The following BAZ1A variants were observed in gnomAD, a reference collection of about 807,000 sequenced individuals.
BAZ1A encodes the protein bromodomain adjacent to zinc finger domain protein 1A.
A neutral mutation model predicts 185.2 loss-of-function variants in BAZ1A; 50 were observed. The observed-to-expected ratio is 0.27, with a 90% CI of 0.22 to 0.34. The LOEUF is 0.34. BAZ1A is among the 10% of genes least tolerant of loss of function. The pLI is 1.00. For missense variants in BAZ1A, 1,356 were observed against 1,839.9 expected (o/e 0.74, Z 4.81); for synonymous variants, 571 against 615.6 (o/e 0.93, Z 1.07).
Position 34,771,449 on chromosome 14 carries a change from A to G in BAZ1A, c.3301+62T>C, listed in dbSNP as rs1019592892. The G allele has an allele frequency of 3.4e-6, 5 of 1,481,804 alleles. No individual in the cohort carries two copies. The African/African-American group carries it at 7.1e-5, about 21-fold the overall frequency. The allele number at this position is 1,481,804 out of a possible 1,614,324, so 91.8% of individuals were successfully genotyped here. ...GTCAGCCAATAAAGTTCTATTAGTT[A>G]AAGGCCAACTCAAAATTACTTATAA... is the stretch of plus-strand genomic sequence containing the variant. On this transcript the variant is annotated intron_variant, in intron 21 of 26. Transcript: ENST00000360310.
intron 12 of BAZ1A, among the ~76,000 whole-genome samples, chr14:34,789,133 A>G (rs1051721551): frequency 3.9e-5 from 6 of 152,170 alleles, no homozygotes; most frequent in African/African-American, 1.4e-4. Context: ...AATTTCATCA[A>G]TGTTCATTTT....
chr14:34,827,133 G>A (rs1299550241), intron 3 of BAZ1A, among the ~76,000 whole-genome samples: 1 of 151,836 alleles, frequency 6.6e-6, no homozygotes, highest in Non-Finnish European at 1.5e-5. Flanking sequence ...CTGTCTCTCT[G>A]GAAAACTCTG....
intron 4 of BAZ1A, among the ~76,000 whole-genome samples, chr14:34,817,395 C>G (rs530825244): frequency 2.2e-4 from 33 of 152,286 alleles, no homozygotes; most frequent in African/African-American, 7.9e-4. Flanking sequence ...TGAGACCAGC[C>G]TGGCCAACAT....
At chr14:34,756,007 T>C (rs998383607) in intron 25 of BAZ1A, among the ~76,000 whole-genome samples, 5 of 151,498 alleles carry the variant, frequency 3.3e-5, no homozygotes, top group Non-Finnish European at 7.4e-5. Context: ...TTTTCTTTTT[T>C]TTTTTGTATT....
At chr14:34,811,280 G>C (rs1048785539) in intron 4 of BAZ1A, among the ~76,000 whole-genome samples, 12 of 151,990 alleles carry the variant, frequency 7.9e-5, no homozygotes, top group Non-Finnish European at 1.5e-4. Flanking sequence ...AAGTAGCTGG[G>C]ATACAGGCAT....
In BAZ1A at chr14:34,758,537, G is replaced by A. The variant is rs896173069; in HGVS notation, c.4386+167C>T. On this transcript the variant is annotated intron_variant, in intron 25 of 26. Coordinates refer to ENST00000360310, the MANE Select transcript of BAZ1A (RefSeq NM_013448.3). The stretch of plus-strand genomic sequence containing the variant: ...AGAGCTTGCAGTGAGCCGAGATCGC[G>A]CCACTGCACTCCAGCCTGGGCGACA... The A allele has an allele frequency of 2.8e-5, 17 of 599,406 alleles. No homozygotes were observed. The highest frequency in any genetic ancestry group is 3.6e-5 in the Non-Finnish European group (13 of 362,632). The allele number at this position is 599,406 out of a possible 1,614,324, so 37.1% of individuals were successfully genotyped here. A position where few individuals can be genotyped will look rare whatever the true frequency, so the allele number is the denominator to read the frequency against.
At chr14:34,755,223 A>G (rs547569628) in intron 25 of BAZ1A, among the ~76,000 whole-genome samples, 69 of 152,332 alleles carry the variant, frequency 4.5e-4, no homozygotes, top group Non-Finnish European at 8.2e-4. Context: ...AACAAAGTGT[A>G]CTTTAGGACA....
chr14:34,803,645 TC>T (rs1881700189), intron 6 of BAZ1A, among the ~76,000 whole-genome samples: 2 of 147,522 alleles, frequency 1.4e-5, no homozygotes, highest in South Asian at 2.2e-4. Context: ...CATAAATGAA[TC>T]AATCTATGTA....
intron 20 of BAZ1A, among the ~76,000 whole-genome samples, chr14:34,773,261 A>G (rs535689394): frequency 1.3e-5 from 2 of 152,274 alleles, no homozygotes; most frequent in East Asian, 3.9e-4. Flanking sequence ...GTTTTCCTAT[A>G]GAAAAGAAGA....
intron 3 of BAZ1A, among the ~76,000 whole-genome samples, chr14:34,832,731 G>A (rs2042268144): frequency 6.6e-6 from 1 of 152,090 alleles, no homozygotes; most frequent in East Asian, 1.9e-4. Flanking sequence ...ATGTAAAATG[G>A]TACAACTGCT....
intron 4 of BAZ1A, among the ~76,000 whole-genome samples, chr14:34,818,865 G>A (rs1411993348): frequency 6.6e-6 from 1 of 152,052 alleles, no homozygotes; most frequent in African/African-American, 2.4e-5. Flanking sequence ...TCTTCGGCCG[G>A]GCGCAGTGGC....
chr14:34,871,744 G>A lies in BAZ1A; in HGVS notation c.113+2748C>T, dbSNP rs542973602. 6.7e-4 allele frequency among the ~76,000 whole-genome samples: 102 copies of A among 152,320 alleles called. 1 individual carries two copies. The highest frequency in any genetic ancestry group is 5.4e-3 in the South Asian group (26 of 4,832). ...AAAAATTAGCTGGGCGTGGTGGCAG[G>A]CTCCTGTAATTCCAGCTACTCGGGA... On this transcript the variant is annotated intron_variant, in intron 2 of 26. Transcript: ENST00000360310.
intron 9 of BAZ1A, among the ~76,000 whole-genome samples, chr14:34,796,525 A>T (rs1197540080): frequency 2.6e-5 from 4 of 152,238 alleles, no homozygotes; most frequent in Admixed American, 2.6e-4. Flanking sequence ...AATAATTAAA[A>T]GCAACAATAT....
chr14:34,811,136 ATAT>A, intron 4 of BAZ1A, 100 bp from the exon 5 acceptor site: 1 of 853,440 alleles, frequency 1.2e-6, no homozygotes, highest in Non-Finnish European at 1.8e-6. Flanking sequence ...ATAAAATCAC[ATAT>A]TTCAAAATTT....
At chr14:34,797,734 C>T (rs1334099310) in intron 9 of BAZ1A, among the ~76,000 whole-genome samples, 3 of 152,160 alleles carry the variant, frequency 2.0e-5, no homozygotes, top group Admixed American at 6.5e-5. Flanking sequence ...CAGCTCCCAG[C>T]GTGATCAATG....
At chr14:34,844,356 A>G (rs960332631) in intron 3 of BAZ1A, among the ~76,000 whole-genome samples, 1 of 152,204 alleles carries the variant, frequency 6.6e-6, no homozygotes, top group African/African-American at 2.4e-5. Context: ...AACTACTAAA[A>G]CACTGATGAA....
At chr14:34,813,013 G>A (rs1020574661) in intron 4 of BAZ1A, among the ~76,000 whole-genome samples, 2 of 151,946 alleles carry the variant, frequency 1.3e-5, no homozygotes, top group Admixed American at 6.6e-5. Flanking sequence ...AACCTACGTG[G>A]GGCCATAACA....
rs1330623206 is a variant in BAZ1A, at chr14:34,794,737, T to C, written c.1363+12A>G. 2 of 1,604,386 alleles carry C rather than the reference T, an allele frequency of 1.2e-6. No individual in the cohort carries two copies. Among genetic ancestry groups the C allele is most frequent in the South Asian group, 1.1e-5 (1 of 89,164 alleles). On this transcript the variant is annotated intron_variant, in intron 11 of 26. Transcript: ENST00000360310. Reference sequence around the variant, plus strand: ...GAACTATAATGTAGCAATAGATAACTAAAGCACTTGCCTAGGGTTACTCCA... The same window carrying C: ...GAACTATAATGTAGCAATAGATAACCAAAGCACTTGCCTAGGGTTACTCCA...
intron 12 of BAZ1A, among the ~76,000 whole-genome samples, chr14:34,790,266 TCAAA>T (rs1404453299): frequency 6.6e-6 from 1 of 151,554 alleles, no homozygotes; most frequent in Non-Finnish European, 1.5e-5. Context: ...ACTCCCAGGG[TCAAA>T]CAATCCTCCC....
Sources: gnomAD v4.1 joint callset for allele counts (sites outside exome capture counted in the v4.1 genomes callset) on GRCh38, gnomAD v4.1.1 for gene constraint, MANE v1.5 for transcripts, NCBI Gene and HGNC (gene_info 2026-07-23, HGNC 2026-07-21) for gene names.